ITIH4: variants seen among roughly 807,000 people sequenced by gnomAD.
ITIH4 encodes inter-alpha-trypsin inhibitor heavy chain 4, also known as inter-alpha-trypsin inhibitor heavy chain H4.
Under a neutral mutation model 111.8 loss-of-function variants are expected in ITIH4, and 79 were observed. The ratio of observed to expected loss-of-function variants is 0.71; its 90% CI spans 0.59 to 0.85. The LOEUF is 0.85. Among genes scored for constraint, ITIH4 ranks in the 40% least tolerant of loss-of-function variants. The pLI, the probability that ITIH4 is intolerant of heterozygous loss-of-function variation, is 0.00. For synonymous variants in ITIH4, 472 were observed against 468.3 expected, an observed-to-expected ratio of 1.01 and a Z score of -0.10; for missense variants, 1,065 against 1,195.8, an observed-to-expected ratio of 0.89 and a Z score of 1.61.
At chr3:52,829,816 C>G (rs1700539639) in intron 1 of ITIH4, 1 of 159,170 alleles carries the variant, frequency 6.3e-6, no homozygotes, top group South Asian at 1.8e-4. Context: ...CGGAGGTAGA[C>G]TAGAGTCTGG....
At chr3:52,829,327 AGCTCGGGGTGAC>A in intron 1 of ITIH4, 48 bp from the exon 2 acceptor site, 1 of 1,556,788 alleles carries the variant, frequency 6.4e-7, no homozygotes, top group South Asian at 1.2e-5. Context: ...ATGCCACCTC[AGCTCGGGGTGAC>A]GCTCTTCAAG....
chr3:52,820,575 A>G lies in ITIH4; in HGVS notation c.1834+56T>C. The G allele has an allele frequency of 3.2e-6, 5 of 1,551,920 alleles. No homozygotes were observed. In the South Asian group the frequency reaches 4.9e-5, roughly 15 times the overall value. On this transcript the variant is annotated intron_variant, in intron 13 of 23. Coordinates refer to ENST00000266041, the MANE Select transcript of ITIH4 (RefSeq NM_002218.5). ...TCAGGATGCAGGGAAGATCGGGGAG[A>G]ACGCTGGGTCCAAACTCTGCTACCT...
rs2071042 is a variant in ITIH4, at chr3:52,830,568, A to C, written c.75T>G (p.Thr25=). Residue 25 remains threonine (T), a synonymous_variant, in exon 1 of 24, where the codon ACT becomes ACG. Transcript: ENST00000266041. ...VLLSLLAIHQ[T]TTAEKNGIDI... Reference sequence around the variant, plus strand: ...CACTGGCTACCTTTTCGGCAGTAGTAGTCTGGTGGATGGCCAGCAGTGAAA... The same window carrying C: ...CACTGGCTACCTTTTCGGCAGTAGTCGTCTGGTGGATGGCCAGCAGTGAAA... 1.2e-5 allele frequency: 20 copies of C among 1,613,828 alleles called. No individual in the cohort carries two copies. The highest frequency in any genetic ancestry group is 1.7e-5 in the Non-Finnish European group (20 of 1,179,936).
At position 52,814,314 on chromosome 3, in the gene ITIH4, C is replaced by T. The variant is rs758457773; in HGVS notation, c.2521G>A (p.Asp841Asn). 5.6e-6 allele frequency: 9 copies of T among 1,613,954 alleles called. No homozygotes were observed. The highest frequency in any genetic ancestry group is 1.3e-5 in the African/African-American group (1 of 74,918). The change falls in exon 22 of 24, where the codon GAC (aspartate) becomes AAC (asparagine). Residue 841 changes from aspartate to asparagine, a missense_variant. By Grantham distance (23) the Asp-to-Asn change is conservative (BLOSUM62 1). Coordinates refer to ENST00000266041, the MANE Select transcript of ITIH4 (RefSeq NM_002218.5). ...AACAACAGGCCGATGGTCACTTTGT[C>T]TGGGTCACTGAGCAGCAGGAGACCC... ...KTGLLLLSDP[D>N]KVTIGLLFWD...
In ITIH4 at chr3:52,824,669, G is replaced by A. The variant is rs1194718581; in HGVS notation, c.877-104C>T. On this transcript the variant is annotated intron_variant, in intron 7 of 23. Coordinates refer to ENST00000266041, the MANE Select transcript of ITIH4 (RefSeq NM_002218.5). The surrounding 1 kb of genome is among the most constrained non-coding windows in gnomAD (Gnocchi z 4.3). ...CTCCTGTCTCAGGGGTGAGGTCATG[G>A]TATCTGCTCTAGGAACAGGGGCTGC... The A allele has an allele frequency of 1.5e-6, 2 of 1,357,046 alleles. No individual in the cohort carries two copies. The highest frequency in any genetic ancestry group is 2.9e-5 in the African/African-American group (2 of 69,048). 84.1% of individuals were successfully genotyped at this position (1,357,046 alleles called of 1,614,324 possible).
rs143388513 is a variant in ITIH4 at position 52,824,417 on chromosome 3, G to A, written c.1025C>T (p.Ala342Val). Residue 342 changes from alanine (A) to valine (V), a missense_variant, in exon 8 of 24, where the codon GCG becomes GTG. Transcript: ENST00000266041. This position sits in a 1 kb window ranked among gnomAD's most constrained non-coding sequence, Gnocchi z 4.3. ...ENVNKARSFA[A>V]GIQALGGTNI... ...CTTACCTCCCAGGGCCTGGATGCCC[G>A]CAGCAAAGCTCCTGGCCTTGTTCAC... The A allele has an allele frequency of 3.3e-4, 527 of 1,614,118 alleles. 1 individual carries two copies. Among genetic ancestry groups the A allele is most frequent in the Admixed American group, 8.3e-4 (50 of 60,018 alleles).
intron 2 of ITIH4, 102 bp downstream of exon 2, chr3:52,829,017 C>T (rs1700526305): frequency 3.6e-6 from 4 of 1,122,938 alleles, no homozygotes; most frequent in Non-Finnish European, 3.8e-6. Flanking sequence ...AAGATGTACA[C>T]CCTGGCATGC....
In ITIH4 at chr3:52,820,697, A is replaced by G; in HGVS notation, c.1768T>C (p.Ser590Pro). The G allele has an allele frequency of 6.2e-7, 1 of 1,614,048 alleles. No individual in the cohort carries two copies. The highest frequency in any genetic ancestry group is 2.2e-5 in the East Asian group (1 of 44,884). Residue 590 changes from serine to proline, a missense_variant, in exon 13 of 24, where the codon TCT becomes CCT. By Grantham distance (74) the Ser-to-Pro change is moderately conservative. Coordinates refer to ENST00000266041, the MANE Select transcript of ITIH4 (RefSeq NM_002218.5). ...LAYSFVTPLTSMVVTKPDDQE... is the reference protein window; with the variant it reads ...LAYSFVTPLTPMVVTKPDDQE... ...TCATCGGGTTTGGTGACTACCATAG[A>G]TGTGAGAGGCGTGACAAAGCTGTAG... is the stretch of plus-strand genomic sequence containing the variant.
At position 52,813,477 on chromosome 3, in the gene ITIH4, C is replaced by T. The variant is rs1422997587; in HGVS notation, c.2737G>A (p.Asp913Asn). The T allele has an allele frequency of 1.2e-6, 2 of 1,613,888 alleles. No homozygotes were observed. The highest frequency in any genetic ancestry group is 1.3e-5 in the African/African-American group (1 of 74,910). Residue 913 changes from aspartate to asparagine, a missense_variant, in exon 24 of 24, where the codon GAT becomes AAT. Asp to Asn is a conservative substitution (Grantham distance 23). Coordinates refer to ENST00000266041, the MANE Select transcript of ITIH4 (RefSeq NM_002218.5). ...DHSATRERRL[D>N]YQEGPPGVEI... ...ACTCCCGGGGGCCCCTCCTGGTAAT[C>T]CAGCCTGCGCTCTCTGAAATGGAAA...
chr3:52,818,363 T>C, intron 18 of ITIH4, 80 bp from the exon 19 acceptor site: 1 of 1,571,560 alleles, frequency 6.4e-7, no homozygotes, highest in Admixed American at 1.7e-5. Context: ...TGACTAGGTG[T>C]GGCTGGGTTC....
chr3:52,828,324 C>T (rs980236227), intron 2 of ITIH4, among the ~76,000 whole-genome samples: 2 of 152,208 alleles, frequency 1.3e-5, no homozygotes, highest in South Asian at 2.1e-4. Context: ...TAGGCCCGGG[C>T]TCTGGGTTAG....
rs770611564 is a variant in ITIH4 at position 52,820,240 on chromosome 3, G to T, written c.1861+51C>A. On this transcript the variant is annotated intron_variant, in intron 14 of 23. Transcript: ENST00000266041. ...TCACAGGGCTGGTGCCCTGGACCCT[G>T]TGTTAGCAGACCACCACCCAGCACA... 5.0e-6 allele frequency: 8 copies of T among 1,612,864 alleles called. No individual in the cohort carries two copies. The African/African-American group carries it at 1.1e-4, about 22-fold the overall frequency.
At chr3:52,817,877 G>A (rs1441576222) in intron 20 of ITIH4, among the ~76,000 whole-genome samples, 175 bp downstream of exon 20, 1 of 152,244 alleles carries the variant, frequency 6.6e-6, no homozygotes, top group Non-Finnish European at 1.5e-5. Flanking sequence ...CCAGTGGAAG[G>A]TCCCCGGGGT....
intron 21 of ITIH4, 36 bp from the exon 22 acceptor site, chr3:52,814,399 G>A: frequency 6.3e-7 from 1 of 1,599,550 alleles, no homozygotes; most frequent in East Asian, 2.2e-5. Flanking sequence ...CAGGAAGGTA[G>A]AGACGTGTGC....
At chr3:52,819,278 CA>C (rs1350935348) in intron 17 of ITIH4, 114 bp downstream of exon 17, 2 of 1,207,652 alleles carry the variant, frequency 1.7e-6, no homozygotes, top group African/African-American at 3.0e-5. Context: ...GTGCCCTCAG[CA>C]GCCGTCCCTG....
In ITIH4 at chr3:52,813,165, T is replaced by C; in HGVS notation, c.*256A>G. On this transcript the variant is annotated 3_prime_UTR_variant, in exon 24 of 24. Transcript: ENST00000266041. ...TGGACTGAAAGCTCAGCATGGGCCT[T>C]CCTGGCCATGGGCTCTTGAGAGCTG... 1 of 481,384 alleles carries C rather than the reference T, an allele frequency of 2.1e-6. No homozygotes were observed. Among genetic ancestry groups the C allele is most frequent in the Non-Finnish European group, 3.7e-6 (1 of 269,834 alleles). 29.8% of individuals were successfully genotyped at this position (481,384 alleles called of 1,614,324 possible). A position where few individuals can be genotyped will look rare whatever the true frequency, so the allele number is the denominator to read the frequency against.
Position 52,824,410 on chromosome 3 carries a change from G to A in ITIH4, c.1032C>T (p.Ile344=), listed in dbSNP as rs1441074308. ...VNKARSFAAG[I]QALGGTNIND... is the part of the protein sequence containing the mutation. ...AGAGACACTTACCTCCCAGGGCCTG[G>A]ATGCCCGCAGCAAAGCTCCTGGCCT... is the stretch of plus-strand genomic sequence containing the variant. Residue 344 remains isoleucine (I), a synonymous_variant, in exon 8 of 24, where the codon ATC becomes ATT. Coordinates refer to ENST00000266041, the MANE Select transcript of ITIH4 (RefSeq NM_002218.5). This position sits in a 1 kb window ranked among gnomAD's most constrained non-coding sequence, Gnocchi z 4.3. 3 of 1,614,168 alleles carry A rather than the reference G, an allele frequency of 1.9e-6. No individual in the cohort carries two copies.
At chr3:52,818,993 C>T in intron 17 of ITIH4, 1 of 291,874 alleles carries the variant, frequency 3.4e-6, no homozygotes, top group Non-Finnish European at 6.5e-6. Flanking sequence ...CTGTGATGTG[C>T]ATGCTTGGCC....
Position 52,823,989 on chromosome 3 carries a change from C to T in ITIH4, c.1187G>A (p.Arg396Lys). ...GDPTVGETNP[R>K]SIQNNVREAV... is the part of the protein sequence containing the mutation. ...TTCCCGCACGTTATTCTGGATGCTC[C>T]TGGGGTTAGTCTCCCCTGGACCCAG... is the stretch of plus-strand genomic sequence containing the variant. The change falls in exon 10 of 24, where the codon AGG (arginine) becomes AAG (lysine). Residue 396 changes from arginine to lysine, a missense_variant. Arg to Lys is a conservative substitution (Grantham distance 26, BLOSUM62 2). Coordinates refer to ENST00000266041, the MANE Select transcript of ITIH4 (RefSeq NM_002218.5). The T allele has an allele frequency of 1.3e-6, 2 of 1,571,686 alleles. No individual in the cohort carries two copies. Among genetic ancestry groups the T allele is most frequent in the Non-Finnish European group, 1.7e-6 (2 of 1,160,000 alleles).
Sources: allele counts gnomAD v4.1 joint callset (sites outside exome capture counted in the v4.1 genomes callset), GRCh38; gene constraint gnomAD v4.1.1; non-coding constraint Gnocchi (gnomAD v3.1); transcripts MANE v1.5; gene names NCBI Gene and HGNC (gene_info 2026-07-23, HGNC 2026-07-21).